RCVRN: variants seen among roughly 807,000 people sequenced by gnomAD.
The protein encoded by RCVRN is cancer associated retinopathy antigen.
In RCVRN, 23 loss-of-function variants were observed where a neutral mutation model predicts 20.4. That is an observed-to-expected ratio of 1.13 (90% CI 0.81 to 1.60). The LOEUF (loss-of-function observed/expected upper bound fraction) is 1.60. Ranked by LOEUF, RCVRN falls within the 40% of genes most tolerant of loss-of-function variation. The pLI is 0.00. For synonymous variants in RCVRN, 105 were observed against 105.9 expected, an observed-to-expected ratio of 0.99 and a Z score of 0.05; for missense variants, 254 against 254.2, an observed-to-expected ratio of 1.00 and a Z score of 0.00.
chr17:9,904,676 G>A lies in RCVRN; in HGVS notation c.381+124C>T. 9.0e-7 allele frequency: 1 copy of A among 1,116,306 alleles called. No individual in the cohort carries two copies. Among genetic ancestry groups the A allele is most frequent in the Non-Finnish European group, 1.3e-6 (1 of 772,684 alleles). 69.2% of individuals were successfully genotyped at this position (1,116,306 alleles called of 1,614,324 possible). On this transcript the variant is annotated intron_variant, in intron 1 of 2. Transcript: ENST00000226193. The surrounding 1 kb of genome is among the most constrained non-coding windows in gnomAD (Gnocchi z 5.8). Reference sequence around the variant, plus strand: ...CATCTCGGAGCACCACGCTCTCAGAGCCAGTGGCCCGCATCCCCCGCTCCA... The same window carrying A: ...CATCTCGGAGCACCACGCTCTCAGAACCAGTGGCCCGCATCCCCCGCTCCA...
At chr17:9,903,741 A>C (rs193048940) in intron 1 of RCVRN, among the ~76,000 whole-genome samples, 1 of 152,334 alleles carries the variant, frequency 6.6e-6, no homozygotes. Flanking sequence ...CTATGTGGGA[A>C]CATCATAGAG....
chr17:9,898,216 G>A lies in RCVRN; in HGVS notation c.494-12C>T, dbSNP rs1382415544. On this transcript the variant is annotated splice_polypyrimidine_tract_variant and intron_variant, in intron 2 of 2. Transcript: ENST00000226193. ...CTCTGTAAGTTTATCTGTGCATTGG[G>A]AAAAAATATATACGTACATAAAACA... 4 of 1,518,400 alleles carry A rather than the reference G, an allele frequency of 2.6e-6. No homozygotes were observed. The highest frequency in any genetic ancestry group is 2.7e-6 in the Non-Finnish European group (3 of 1,092,998). The allele number at this position is 1,518,400 out of a possible 1,614,324, so 94.1% of individuals were successfully genotyped here.
rs990112022 is a variant in RCVRN at position 9,897,848 on chromosome 17, TG to T, written c.*246del. The T allele has an allele frequency of 9.1e-5, 43 of 474,904 alleles. No homozygotes were observed. Among genetic ancestry groups the T allele is most frequent in the Non-Finnish European group, 1.6e-4 (42 of 263,464 alleles). The allele number at this position is 474,904 out of a possible 1,614,324, so 29.4% of individuals were successfully genotyped here. On this transcript the variant is annotated 3_prime_UTR_variant, in exon 3 of 3. Coordinates refer to ENST00000226193, the MANE Select transcript of RCVRN (RefSeq NM_002903.3). ...ATGGGCTGGTGGACAGAGGGAGGGG[TG>T]GGACCGGGCATGATGGGAGGGAATG...
Position 9,896,809 on chromosome 17 carries a change from G to T in RCVRN, c.*1286C>A, listed in dbSNP as rs2067318790. 1 of 152,242 alleles carries T rather than the reference G, an allele frequency of 6.6e-6. No homozygotes were observed. Among genetic ancestry groups the T allele is most frequent in the African/African-American group, 2.4e-5 (1 of 41,422 alleles). The allele number at this position is 152,242 out of a possible 1,614,324, so 9.4% of individuals were successfully genotyped here. A position where few individuals can be genotyped will look rare whatever the true frequency, so the allele number is the denominator to read the frequency against. ...CTATATTGAAGCTGAATTCATCATT[G>T]TTCCCTGAAACCCCAAAGACTCTCT... is the stretch of plus-strand genomic sequence containing the variant. On this transcript the variant is annotated 3_prime_UTR_variant, in exon 3 of 3. Coordinates refer to ENST00000226193, the MANE Select transcript of RCVRN (RefSeq NM_002903.3).
In RCVRN at chr17:9,899,719, G is replaced by A. The variant is rs1395747504; in HGVS notation, c.493+1270C>T. Among the ~76,000 whole-genome samples, 2 of 152,170 alleles carry A rather than the reference G, an allele frequency of 1.3e-5. No individual in the cohort carries two copies. On this transcript the variant is annotated intron_variant, in intron 2 of 2. Coordinates refer to ENST00000226193, the MANE Select transcript of RCVRN (RefSeq NM_002903.3). The surrounding 1 kb of genome is among the most constrained non-coding windows in gnomAD (Gnocchi z 4.6). ...TACCAAGGCGCGAATTTAAGGAGGC[G>A]CTCACTTTCAGGTCCTGTGAGTGCA...
chr17:9,901,185 CA>C, intron 1 of RCVRN, 85 bp from the exon 2 acceptor site: 1 of 617,050 alleles, frequency 1.6e-6, no homozygotes. Context: ...ACACTGTACA[CA>C]AAAATCTACT....
At position 9,897,044 on chromosome 17, in the gene RCVRN, G is replaced by A. The variant is rs78511217; in HGVS notation, c.*1051C>T. ...GAGTGGCTGCAAAAGCTTATTCATC[G>A]GGCTCCCTGACTCCAGGGAGCCCCC... On this transcript the variant is annotated 3_prime_UTR_variant, in exon 3 of 3. Transcript: ENST00000226193. 14,830 of 152,140 alleles carry A rather than the reference G, an allele frequency of 0.097. 981 individuals carry two copies. Among genetic ancestry groups the A allele is most frequent in the Middle Eastern group, 0.14 (41 of 294 alleles). The allele number at this position is 152,140 out of a possible 1,614,324, so 9.4% of individuals were successfully genotyped here. A position where few individuals can be genotyped will look rare whatever the true frequency, so the allele number is the denominator to read the frequency against.
At position 9,905,054 on chromosome 17, in the gene RCVRN, G is replaced by C; in HGVS notation, c.127C>G (p.Arg43Gly). The change falls in exon 1 of 3, where the codon CGC becomes GGC. Residue 43 changes from arginine (R) to glycine (G), a missense_variant. By Grantham distance (125) the Arg-to-Gly change is moderately radical (BLOSUM62 -2). Coordinates refer to ENST00000226193, the MANE Select transcript of RCVRN (RefSeq NM_002903.3). ...CTCTGGAACTGCTGCTGGGTGATGC[G>C]GCCGGTGGGACAGTCCTTCAGGAAG... is the stretch of plus-strand genomic sequence containing the variant. ...QSFLKDCPTG[R>G]ITQQQFQSIY... 1 of 1,612,776 alleles carries C rather than the reference G, an allele frequency of 6.2e-7. No homozygotes were observed. The highest frequency in any genetic ancestry group is 8.5e-7 in the Non-Finnish European group (1 of 1,179,372).
In RCVRN at chr17:9,905,122, T is replaced by G. The variant is rs987572836; in HGVS notation, c.59A>C (p.Asn20Thr). 1.9e-6 allele frequency: 3 copies of G among 1,610,292 alleles called. No individual in the cohort carries two copies. The highest frequency in any genetic ancestry group is 2.5e-6 in the Non-Finnish European group (3 of 1,178,600). Residue 20 changes from asparagine (N) to threonine (T), a missense_variant, in exon 1 of 3, where the codon AAC (asparagine) becomes ACC (threonine). By Grantham distance (65) the Asn-to-Thr change is moderately conservative (BLOSUM62 0). Coordinates refer to ENST00000226193, the MANE Select transcript of RCVRN (RefSeq NM_002903.3). The part of the protein sequence containing the change: ...SKEILEELQL[N>T]TKFSEEELCS... ...CAGCTCCTCCTCCGAGAACTTGGTG[T>G]TCAGCTGCAGCTCCTCCAGGATCTC...
intron 2 of RCVRN, among the ~76,000 whole-genome samples, chr17:9,900,316 G>T (rs1266332981): frequency 6.6e-6 from 1 of 152,120 alleles, no homozygotes; most frequent in African/African-American, 2.4e-5. Flanking sequence ...GTCCATCACT[G>T]CCTACAGTGC....
chr17:9,903,428 C>T (rs8079799), intron 1 of RCVRN, among the ~76,000 whole-genome samples: 20,677 of 152,228 alleles, frequency 0.14, 1,466 homozygotes, highest in Middle Eastern at 0.16. Flanking sequence ...GGAGCCACGC[C>T]GCGCGTGGGA....
At chr17:9,900,565 T>C (rs902291158) in intron 2 of RCVRN, among the ~76,000 whole-genome samples, 8 of 137,738 alleles carry the variant, frequency 5.8e-5, no homozygotes, top group South Asian at 4.2e-4. Context: ...GTCTGATAGC[T>C]TTCCCAGCCT....
At position 9,899,490 on chromosome 17, in the gene RCVRN, C is replaced by A. The variant is rs181927144; in HGVS notation, c.494-1286G>T. On this transcript the variant is annotated intron_variant, in intron 2 of 2. Transcript: ENST00000226193. This position sits in a 1 kb window ranked among gnomAD's most constrained non-coding sequence, Gnocchi z 4.6. Reference sequence around the variant, plus strand: ...ACGTCATCCCCTCCCGGGATGTTCACCAGGGAGGTTTTCAGATGAGCAAAA... The same window carrying A: ...ACGTCATCCCCTCCCGGGATGTTCAACAGGGAGGTTTTCAGATGAGCAAAA... 2.2e-4 allele frequency among the ~76,000 whole-genome samples: 34 copies of A among 152,318 alleles called. No individual in the cohort carries two copies. The highest frequency in any genetic ancestry group is 3.9e-4 in the Admixed American group (6 of 15,310).
intron 1 of RCVRN, among the ~76,000 whole-genome samples, chr17:9,902,560 G>C (rs2067345970): frequency 8.1e-6 from 1 of 124,018 alleles, no homozygotes; most frequent in Non-Finnish European, 1.9e-5. Flanking sequence ...GACTGAAAAA[G>C]AATAAATTAA....
At chr17:9,898,243 T>A in intron 2 of RCVRN, 39 bp from the exon 3 acceptor site, 1 of 1,293,434 alleles carries the variant, frequency 7.7e-7, no homozygotes, top group Non-Finnish European at 1.1e-6. Context: ...CATAAAACAG[T>A]CAGGATTGAT....
chr17:9,897,818 G>C lies in RCVRN; in HGVS notation c.*277C>G. The C allele has an allele frequency of 2.4e-6, 1 of 418,410 alleles. No homozygotes were observed. Among genetic ancestry groups the C allele is most frequent in the Non-Finnish European group, 4.3e-6 (1 of 230,108 alleles). 25.9% of individuals were successfully genotyped at this position (418,410 alleles called of 1,614,324 possible). A position where few individuals can be genotyped will look rare whatever the true frequency, so the allele number is the denominator to read the frequency against. On this transcript the variant is annotated 3_prime_UTR_variant, in exon 3 of 3. Coordinates refer to ENST00000226193, the MANE Select transcript of RCVRN (RefSeq NM_002903.3). ...ATGGCCTAATCCTGGGATTAGCACA[G>C]GGCCATGGGCTGGTGGACAGAGGGA...
Position 9,904,868 on chromosome 17 carries a change from C to G in RCVRN, c.313G>C (p.Ala105Pro). Residue 105 changes from alanine (A) to proline (P), a missense_variant, in exon 1 of 3, where the codon GCC (alanine) becomes CCC (proline). By Grantham distance (27) the Ala-to-Pro change is conservative. Coordinates refer to ENST00000226193, the MANE Select transcript of RCVRN (RefSeq NM_002903.3). The surrounding 1 kb of genome is among the most constrained non-coding windows in gnomAD (Gnocchi z 5.8). ...AGKTNQKLEW[A>P]FSLYDVDGNG... is the part of the protein sequence containing the mutation. ...CCGTCCACGTCGTAGAGGGAGAAGGCCCACTCCAGCTTCTGGTTGGTCTTG... is the reference window on the plus strand; with the variant it reads ...CCGTCCACGTCGTAGAGGGAGAAGGGCCACTCCAGCTTCTGGTTGGTCTTG... 1.9e-6 allele frequency: 3 copies of G among 1,614,216 alleles called. No homozygotes were observed. Among genetic ancestry groups the G allele is most frequent in the South Asian group, 2.2e-5 (2 of 91,084 alleles).
chr17:9,905,047 G>A lies in RCVRN; in HGVS notation c.134C>T (p.Thr45Ile). The A allele has an allele frequency of 1.2e-6, 2 of 1,613,550 alleles. No homozygotes were observed. Among genetic ancestry groups the A allele is most frequent in the Non-Finnish European group, 1.7e-6 (2 of 1,179,708 alleles). Residue 45 changes from threonine (T) to isoleucine (I), a missense_variant, in exon 1 of 3, where the codon ACC becomes ATC. Physicochemically the swap from Thr to Ile is moderately conservative, Grantham distance 89. Coordinates refer to ENST00000226193, the MANE Select transcript of RCVRN (RefSeq NM_002903.3). ...GTAGATGCTCTGGAACTGCTGCTGGGTGATGCGGCCGGTGGGACAGTCCTT... is the reference window on the plus strand; with the variant it reads ...GTAGATGCTCTGGAACTGCTGCTGGATGATGCGGCCGGTGGGACAGTCCTT... ...FLKDCPTGRI[T>I]QQQFQSIYAK...
chr17:9,900,767 G>A (rs545885559), intron 2 of RCVRN, among the ~76,000 whole-genome samples: 14 of 152,144 alleles, frequency 9.2e-5, no homozygotes, highest in Non-Finnish European at 1.8e-4. Context: ...GTGAGCTGAA[G>A]TTTGCTCTTG....
Sources: allele counts gnomAD v4.1 joint callset (sites outside exome capture counted in the v4.1 genomes callset), GRCh38; gene constraint gnomAD v4.1.1; non-coding constraint Gnocchi (gnomAD v3.1); transcripts MANE v1.5; gene names NCBI Gene and HGNC (gene_info 2026-07-23, HGNC 2026-07-21).